RAP1GAP2: variants seen among roughly 807,000 people sequenced by gnomAD.
RAP1GAP2 encodes rap1 GTPase-activating protein 2.
A neutral mutation model predicts 95.0 loss-of-function variants in RAP1GAP2; 27 were observed. That is an observed-to-expected ratio of 0.28 (90% CI 0.21 to 0.39). The LOEUF (loss-of-function observed/expected upper bound fraction) is 0.39, where lower values mean the gene tolerates loss of function less well. Among genes scored for constraint, RAP1GAP2 ranks in the 10% least tolerant of loss-of-function variants. The pLI is 1.00. For missense variants in RAP1GAP2, 771 were observed against 970.0 expected (o/e 0.79, Z 2.72); for synonymous variants, 373 against 380.9 (o/e 0.98, Z 0.24).
exon 1 of RAP1GAP2, chr17:2,777,251 G>C (rs1327126794): frequency 6.5e-6 from 1 of 152,742 alleles, no homozygotes; most frequent in Non-Finnish European, 1.5e-5. Context: ...GATCTGGCGA[G>C]AGAAGCTGAC....
chr17:2,861,529 G>A (rs1037566959), intron 2 of RAP1GAP2, among the ~76,000 whole-genome samples: 3 of 149,896 alleles, frequency 2.0e-5, no homozygotes, highest in Non-Finnish European at 3.0e-5. Context: ...GTGCAATGGC[G>A]TGATCTGGGT....
At chr17:2,859,903 A>G (rs1211075990) in intron 2 of RAP1GAP2, among the ~76,000 whole-genome samples, 2 of 149,660 alleles carry the variant, frequency 1.3e-5, no homozygotes, top group African/African-American at 4.9e-5. Context: ...TAGAGGCACC[A>G]TCAGATTTGT....
chr17:2,922,826 G>GTTTT (rs138075669), intron 3 of RAP1GAP2, among the ~76,000 whole-genome samples: 2 of 93,726 alleles, frequency 2.1e-5, no homozygotes. Flanking sequence ...TTTTCTTTTT[G>GTTTT]TTTTTGTTTT....
intron 13 of RAP1GAP2, among the ~76,000 whole-genome samples, chr17:2,996,593 C>T (rs2045967278): frequency 6.6e-6 from 1 of 152,200 alleles, no homozygotes; most frequent in African/African-American, 2.4e-5. Context: ...AGTGGGTTTT[C>T]ATTCAACCTT....
chr17:2,970,932 G>A (rs1482264469), intron 8 of RAP1GAP2, among the ~76,000 whole-genome samples: 1 of 152,170 alleles, frequency 6.6e-6, no homozygotes, highest in East Asian at 1.9e-4. Context: ...CTACTCAGGA[G>A]GCTGAGGCAG....
intron 1 of RAP1GAP2, among the ~76,000 whole-genome samples, chr17:2,786,238 G>A (rs2068770922): frequency 6.6e-6 from 1 of 152,228 alleles, no homozygotes; most frequent in Non-Finnish European, 1.5e-5. Flanking sequence ...CTGAGGCAGA[G>A]GGAGTTTAAG....
chr17:2,800,033 G>T (rs148615405), intron 1 of RAP1GAP2, among the ~76,000 whole-genome samples: 1 of 152,166 alleles, frequency 6.6e-6, no homozygotes, highest in African/African-American at 2.4e-5. Flanking sequence ...TGGGCAGGAG[G>T]GTCCCTGGGG....
chr17:2,801,357 C>T (rs1407485489), intron 2 of RAP1GAP2, among the ~76,000 whole-genome samples: 1 of 151,310 alleles, frequency 6.6e-6, no homozygotes, highest in Admixed American at 6.6e-5. Context: ...TGCCTGTAAT[C>T]CCAGATACTC....
chr17:3,032,649 T>C (rs2047362237), intron 24 of RAP1GAP2, among the ~76,000 whole-genome samples, 200 bp downstream of exon 24: 2 of 151,522 alleles, frequency 1.3e-5, no homozygotes, highest in Non-Finnish European at 2.9e-5. Flanking sequence ...GGGAAGGGGG[T>C]TCCCAGTGAC....
intron 8 of RAP1GAP2, 98 bp from the exon 9 acceptor site, chr17:2,980,189 C>G: frequency 8.9e-7 from 1 of 1,124,928 alleles, no homozygotes; most frequent in Non-Finnish European, 1.3e-6. Flanking sequence ...GTGATCTGCC[C>G]TCCTTGGCCT....
At chr17:2,834,848 A>C (rs2071059915) in intron 2 of RAP1GAP2, among the ~76,000 whole-genome samples, 2 of 152,074 alleles carry the variant, frequency 1.3e-5, no homozygotes, top group Non-Finnish European at 2.9e-5. Context: ...TTCCTACCCC[A>C]TTTACTATAC....
At chr17:2,878,985 C>T (rs573154351) in intron 2 of RAP1GAP2, among the ~76,000 whole-genome samples, 7 of 152,288 alleles carry the variant, frequency 4.6e-5, no homozygotes, top group South Asian at 2.1e-4. Context: ...CGGAGGCCGG[C>T]GCTGGCCAGT....
rs2046246070 is a variant in RAP1GAP2 at position 3,003,801 on chromosome 17, C to G, written c.1201-1568C>G. On this transcript the variant is annotated intron_variant, in intron 14 of 24. Coordinates refer to ENST00000254695, the MANE Select transcript of RAP1GAP2 (RefSeq NM_015085.5). This position sits in a 1 kb window ranked among gnomAD's most constrained non-coding sequence, Gnocchi z 4.1. ...CCCCAAGAGGGGGGAACAACAAAGGCCTGGCCGCCTGGTTGGAATGGGGTC... is the reference window on the plus strand; with the variant it reads ...CCCCAAGAGGGGGGAACAACAAAGGGCTGGCCGCCTGGTTGGAATGGGGTC... 6.6e-6 allele frequency among the ~76,000 whole-genome samples: 1 copy of G among 152,154 alleles called. No homozygotes were observed. Among genetic ancestry groups the G allele is most frequent in the Non-Finnish European group, 1.5e-5 (1 of 68,034 alleles).
intron 19 of RAP1GAP2, among the ~76,000 whole-genome samples, chr17:3,022,244 A>C (rs2046984909): frequency 6.6e-6 from 1 of 152,240 alleles, no homozygotes; most frequent in South Asian, 2.1e-4. Context: ...CACAGACTCC[A>C]AATTATTAAA....
chr17:2,904,143 G>A lies in RAP1GAP2; in HGVS notation c.81-1141G>A, dbSNP rs983611734. On this transcript the variant is annotated intron_variant, in intron 2 of 24. Coordinates refer to ENST00000254695, the MANE Select transcript of RAP1GAP2 (RefSeq NM_015085.5). The surrounding 1 kb of genome is among the most constrained non-coding windows in gnomAD (Gnocchi z 4.7). ...TTGACGGCTCAGCCCGGCCCTCTTC[G>A]GCTTTTAATACGGTTCTCCCAGCCC... 1.3e-5 allele frequency among the ~76,000 whole-genome samples: 2 copies of A among 152,088 alleles called. No individual in the cohort carries two copies. Among genetic ancestry groups the A allele is most frequent in the Non-Finnish European group, 2.9e-5 (2 of 68,014 alleles).
At position 2,900,470 on chromosome 17, in the gene RAP1GAP2, TC is replaced by T. The variant is rs780799230; in HGVS notation, c.81-4813del. On this transcript the variant is annotated intron_variant, in intron 2 of 24. Transcript: ENST00000254695. ...TAATTCATTTTTTTGAGACGGAGTT[TC>T]GCTCTTGTTGCCCAGGCTGGAGTGC... Among the ~76,000 whole-genome samples, 529 of 152,238 alleles carry T rather than the reference TC, an allele frequency of 3.5e-3. 4 individuals are homozygous for T. The highest frequency in any genetic ancestry group is 5.8e-3 in the Non-Finnish European group (394 of 68,012).
At chr17:2,942,748 C>T (rs182895431) in intron 3 of RAP1GAP2, among the ~76,000 whole-genome samples, 64 of 152,202 alleles carry the variant, frequency 4.2e-4, no homozygotes, top group African/African-American at 1.4e-3. Context: ...ACAACCATCA[C>T]GTCTATCTAA....
chr17:2,868,516 ATTTTT>A (rs71153307), intron 2 of RAP1GAP2, among the ~76,000 whole-genome samples: 1 of 122,832 alleles, frequency 8.1e-6, no homozygotes, highest in African/African-American at 3.0e-5. Flanking sequence ...ACCAGGTGCA[ATTTTT>A]TTTTTTTTTT....
chr17:2,832,166 T>G (rs1337947901), intron 2 of RAP1GAP2, among the ~76,000 whole-genome samples: 1 of 137,084 alleles, frequency 7.3e-6, no homozygotes, highest in East Asian at 2.1e-4. Context: ...ATCACGCCAT[T>G]GCATTCCAGT....
Sources: gnomAD v4.1 joint callset for allele counts (sites outside exome capture counted in the v4.1 genomes callset) on GRCh38, gnomAD v4.1.1 for gene constraint, Gnocchi (gnomAD v3.1) non-coding constraint, MANE v1.5 for transcripts, NCBI Gene and HGNC (gene_info 2026-07-23, HGNC 2026-07-21) for gene names.